Variants in C3orf62 observed in about 807,000 individuals in gnomAD.
C3orf62 encodes uncharacterized protein C3orf62.
Under a neutral mutation model 21.7 loss-of-function variants are expected in C3orf62, and 16 were observed. The ratio of observed to expected loss-of-function variants is 0.74; its 90% confidence interval spans 0.50 to 1.12. C3orf62 has a LOEUF of 1.12. Ranked by LOEUF, C3orf62 falls within the 50% of genes most tolerant of loss-of-function variation. C3orf62 has a pLI of 0.00. For missense variants in C3orf62, 310 were observed against 318.8 expected (o/e 0.97, Z 0.21); for synonymous variants, 114 against 117.0 (o/e 0.97, Z 0.17).
Position 49,277,014 on chromosome 3 carries a change from G to A in C3orf62, c.-142C>T. 2 of 1,462,914 alleles carry A rather than the reference G, an allele frequency of 1.4e-6. No homozygotes were observed. The highest frequency in any genetic ancestry group is 2.5e-5 in the Admixed American group (1 of 40,720). The allele number at this position is 1,462,914 out of a possible 1,614,324, so 90.6% of individuals were successfully genotyped here. A position where few individuals can be genotyped will look rare whatever the true frequency, so the allele number is the denominator to read the frequency against. ...TTCCTCCTGGAGTAGGCGGTTCTCGGCTCTCGCGGAGGAACCCGCCATCTG... is the reference window on the plus strand; with the variant it reads ...TTCCTCCTGGAGTAGGCGGTTCTCGACTCTCGCGGAGGAACCCGCCATCTG... On this transcript the variant is annotated 5_prime_UTR_variant, in exon 1 of 3. Transcript: ENST00000343010.
rs190155519 is a variant in C3orf62 at position 49,269,114 on chromosome 3, C to A, written c.*2066G>T. 6.6e-6 allele frequency: 1 copy of A among 152,248 alleles called. No individual in the cohort carries two copies. The highest frequency in any genetic ancestry group is 2.4e-5 in the African/African-American group (1 of 41,566). 9.4% of individuals were successfully genotyped at this position (152,248 alleles called of 1,614,324 possible). A position where few individuals can be genotyped will look rare whatever the true frequency, so the allele number is the denominator to read the frequency against. On this transcript the variant is annotated 3_prime_UTR_variant, in exon 3 of 3. Transcript: ENST00000343010. ...GGCCAGGTATCTTGTAGAATGTACC[C>A]CACGTCTGGATTTGTCTAACATTTG...
rs1374465524 is a variant in C3orf62 at position 49,276,816 on chromosome 3, T to G, written c.57A>C (p.Arg19Ser). The part of the protein sequence containing the change: ...LLGEMSEKLR[R>S]CRKELTAAID... ...TGGCTGCAGTCAGTTCCTTTCTGCA[T>G]CTTCTTAGTTTTTCAGACATTTCTC... The change falls in exon 1 of 3, where the codon AGA (arginine) becomes AGC (serine). Residue 19 changes from arginine to serine, a missense_variant. Physicochemically the swap from Arg to Ser is moderately radical, Grantham distance 110 (BLOSUM62 -1). Transcript: ENST00000343010. 1 of 1,613,874 alleles carries G rather than the reference T, an allele frequency of 6.2e-7. No homozygotes were observed. The highest frequency in any genetic ancestry group is 1.1e-5 in the South Asian group (1 of 91,084).
At chr3:49,276,353 AG>A in intron 1 of C3orf62, 73 bp downstream of exon 1, 2 of 1,451,550 alleles carry the variant, frequency 1.4e-6, no homozygotes, top group Admixed American at 4.0e-5. Context: ...AACTAAATCT[AG>A]GATCTTCAAC....
Position 49,276,457 on chromosome 3 carries a change from T to C in C3orf62, c.416A>G (p.Glu139Gly). The change falls in exon 1 of 3, where the codon GAG (glutamate) becomes GGG (glycine). Residue 139 changes from glutamate (E) to glycine (G), a missense_variant. Coordinates refer to ENST00000343010, the MANE Select transcript of C3orf62 (RefSeq NM_198562.3). ...PERESWRTAG[E>G]GENWRKENLR... ...ATTTTCTTTTCTCCAGTTTTCCCCC[T>C]CTCCTGCAGTTCTCCAAGACTCTCT... 6.2e-7 allele frequency: 1 copy of C among 1,610,482 alleles called. No homozygotes were observed. Among genetic ancestry groups the C allele is most frequent in the Non-Finnish European group, 8.5e-7 (1 of 1,177,012 alleles).
At chr3:49,272,796 G>A (rs988420006) in intron 2 of C3orf62, among the ~76,000 whole-genome samples, 1 of 151,688 alleles carries the variant, frequency 6.6e-6, no homozygotes, top group African/African-American at 2.4e-5. Context: ...CAAGTGATCT[G>A]CCCGCCTCAG....
In C3orf62 at chr3:49,271,302, C is replaced by A. The variant is rs768562055; in HGVS notation, c.682G>T (p.Ala228Ser). ...AGGCTGCCAGGGTCAGCATCTGTGG[C>A]CTTCTGAGGGCTCTTGTCCATGAGC... is the stretch of plus-strand genomic sequence containing the variant. ...ALLMDKSPQKATDADPGSLKQ... is the reference protein window; with the variant it reads ...ALLMDKSPQKSTDADPGSLKQ... The change falls in exon 3 of 3, where the codon GCC becomes TCC. Residue 228 changes from alanine (A) to serine (S), a missense_variant. By Grantham distance (99) the Ala-to-Ser change is moderately conservative. Transcript: ENST00000343010. The A allele has an allele frequency of 4.3e-6, 7 of 1,614,090 alleles. No individual in the cohort carries two copies. The South Asian group carries it at 4.4e-5, about 10-fold the overall frequency.
In C3orf62 at chr3:49,277,061, C is replaced by A; in HGVS notation, c.-189G>T. On this transcript the variant is annotated 5_prime_UTR_variant, in exon 1 of 3. Coordinates refer to ENST00000343010, the MANE Select transcript of C3orf62 (RefSeq NM_198562.3). ...TCTGCCAGAAGCCCCAAAGACGCCC[C>A]GCCCCACTTCCCACAGCTTCCTGGC... 6.8e-7 allele frequency: 1 copy of A among 1,478,584 alleles called. No individual in the cohort carries two copies. Among genetic ancestry groups the A allele is most frequent in the Non-Finnish European group, 9.0e-7 (1 of 1,116,764 alleles). 91.6% of individuals were successfully genotyped at this position (1,478,584 alleles called of 1,614,324 possible). A position where few individuals can be genotyped will look rare whatever the true frequency, so the allele number is the denominator to read the frequency against.
At chr3:49,275,688 G>T (rs2046952768) in intron 1 of C3orf62, among the ~76,000 whole-genome samples, 1 of 151,280 alleles carries the variant, frequency 6.6e-6, no homozygotes, top group African/African-American at 2.4e-5. Flanking sequence ...CCGCCACCAC[G>T]CCCGGCTAAT....
At chr3:49,273,991 G>T in intron 2 of C3orf62, 58 bp downstream of exon 2, 1 of 1,227,596 alleles carries the variant, frequency 8.1e-7, no homozygotes, top group Non-Finnish European at 1.2e-6. Context: ...TGCTGACTCA[G>T]ACCCATGTGA....
rs895084451 is a variant in C3orf62 at position 49,269,484 on chromosome 3, C to G, written c.*1696G>C. On this transcript the variant is annotated 3_prime_UTR_variant, in exon 3 of 3. Coordinates refer to ENST00000343010, the MANE Select transcript of C3orf62 (RefSeq NM_198562.3). ...GTAGCCTGACATCTCTCCATCCAGA[C>G]AGGCTATTCTTCACCTGAGCAGGGG... is the stretch of plus-strand genomic sequence containing the variant. 1 of 152,250 alleles carries G rather than the reference C, an allele frequency of 6.6e-6. No individual in the cohort carries two copies. Among genetic ancestry groups the G allele is most frequent in the Non-Finnish European group, 1.5e-5 (1 of 68,052 alleles). The allele number at this position is 152,250 out of a possible 1,614,324, so 9.4% of individuals were successfully genotyped here.
chr3:49,275,617 G>A (rs1293248993), intron 1 of C3orf62, among the ~76,000 whole-genome samples: 1 of 126,634 alleles, frequency 7.9e-6, no homozygotes, highest in African/African-American at 3.0e-5. Context: ...TGCAAGCTCC[G>A]CCTCCCGGGT....
Position 49,270,926 on chromosome 3 carries a change from C to G in C3orf62, c.*254G>C, listed in dbSNP as rs1475192279. The stretch of plus-strand genomic sequence containing the variant: ...GGTACTGGGTATATTGAACATCAAT[C>G]AAAAAAACACATTCAAGATGTCAAG... On this transcript the variant is annotated 3_prime_UTR_variant, in exon 3 of 3. Transcript: ENST00000343010. 4.1e-6 allele frequency: 2 copies of G among 482,372 alleles called. No individual in the cohort carries two copies. Among genetic ancestry groups the G allele is most frequent in the Admixed American group, 3.8e-5 (1 of 26,422 alleles). The allele number at this position is 482,372 out of a possible 1,614,324, so 29.9% of individuals were successfully genotyped here.
Position 49,276,469 on chromosome 3 carries a change from C to A in C3orf62, c.404G>T (p.Arg135Ile). 2 of 1,614,104 alleles carry A rather than the reference C, an allele frequency of 1.2e-6. No individual in the cohort carries two copies. The highest frequency in any genetic ancestry group is 1.7e-6 in the Non-Finnish European group (2 of 1,179,936). ...SILAPERESW[R>I]TAGEGENWRK... ...CCAGTTTTCCCCCTCTCCTGCAGTT[C>A]TCCAAGACTCTCTTTCAGGTGCCAA... Residue 135 changes from arginine (R) to isoleucine (I), a missense_variant, in exon 1 of 3, where the codon AGA becomes ATA. Transcript: ENST00000343010.
In C3orf62 at chr3:49,276,761, A is replaced by C. The variant is rs765116060; in HGVS notation, c.112T>G (p.Ser38Ala). 3 of 1,614,204 alleles carry C rather than the reference A, an allele frequency of 1.9e-6. No homozygotes were observed. The highest frequency in any genetic ancestry group is 2.5e-6 in the Non-Finnish European group (3 of 1,180,042). The change falls in exon 1 of 3, where the codon TCC (serine) becomes GCC (alanine). Residue 38 changes from serine to alanine, a missense_variant. Coordinates refer to ENST00000343010, the MANE Select transcript of C3orf62 (RefSeq NM_198562.3). Reference protein sequence around the residue: ...IDRAFEGVSYSQECTGQQRLE... With the variant: ...IDRAFEGVSYAQECTGQQRLE... ...CTCTGCTGGCCTGTGCACTCCTGGG[A>C]ATAACTAACTCCTTCAAAGGCCCGG...
At position 49,274,154 on chromosome 3, in the gene C3orf62, G is replaced by T; in HGVS notation, c.447-14C>A. ...TCCATATCTTTCCTGCAGCCCCCAG[G>T]TGGGGGGGAAGAAAAGGTGGGGAAT... On this transcript the variant is annotated splice_polypyrimidine_tract_variant and intron_variant, in intron 1 of 2. Coordinates refer to ENST00000343010, the MANE Select transcript of C3orf62 (RefSeq NM_198562.3). The T allele has an allele frequency of 1.3e-6, 2 of 1,596,700 alleles. No individual in the cohort carries two copies. The highest frequency in any genetic ancestry group is 1.7e-6 in the Non-Finnish European group (2 of 1,164,358).
At position 49,276,910 on chromosome 3, in the gene C3orf62, A is replaced by G; in HGVS notation, c.-38T>C. 1 of 1,574,382 alleles carries G rather than the reference A, an allele frequency of 6.4e-7. No homozygotes were observed. The highest frequency in any genetic ancestry group is 8.6e-7 in the Non-Finnish European group (1 of 1,160,154). ...GGACAACACAATAATGTTACAAATG[A>G]GGCTGCAAACTACCCCTGAATGGCC... On this transcript the variant is annotated 5_prime_UTR_variant, in exon 1 of 3. Transcript: ENST00000343010.
rs1559460743 is a variant in C3orf62 at position 49,276,831 on chromosome 3, A to G, written c.42T>C (p.Ser14=). 3.1e-6 allele frequency: 5 copies of G among 1,613,678 alleles called. No individual in the cohort carries two copies. Among genetic ancestry groups the G allele is most frequent in the Non-Finnish European group, 4.2e-6 (5 of 1,179,980 alleles). Residue 14 remains serine, a synonymous_variant, in exon 1 of 3, where the codon TCT becomes TCC. Coordinates refer to ENST00000343010, the MANE Select transcript of C3orf62 (RefSeq NM_198562.3). The part of the protein sequence containing the change: ...IKTWSLLGEM[S]EKLRRCRKEL... ...CCTTTCTGCATCTTCTTAGTTTTTC[A>G]GACATTTCTCCTAAAAGCGACCATG... is the stretch of plus-strand genomic sequence containing the variant.
intron 2 of C3orf62, among the ~76,000 whole-genome samples, chr3:49,272,520 AT>A (rs1172038427): frequency 9.9e-6 from 1 of 101,314 alleles, no homozygotes; most frequent in Non-Finnish European, 2.1e-5. Context: ...TTGACTTCTA[AT>A]TTTTCTCCTA....
rs2046967219 is a variant in C3orf62 at position 49,276,927 on chromosome 3, T to C, written c.-55A>G. On this transcript the variant is annotated 5_prime_UTR_variant, in exon 1 of 3. Transcript: ENST00000343010. ...TACAAATGAGGCTGCAAACTACCCC[T>C]GAATGGCCACGATTTCCTGGAGCTT... The C allele has an allele frequency of 2.6e-6, 4 of 1,556,002 alleles. No homozygotes were observed. The highest frequency in any genetic ancestry group is 3.5e-6 in the Non-Finnish European group (4 of 1,152,394).
Sources: gnomAD v4.1 joint callset for allele counts (sites outside exome capture counted in the v4.1 genomes callset) on GRCh38, gnomAD v4.1.1 for gene constraint, MANE v1.5 for transcripts, NCBI Gene and HGNC (gene_info 2026-07-23, HGNC 2026-07-21) for gene names.